Variants in CFAP91 observed in about 807,000 individuals in gnomAD.
CFAP91 encodes the protein cilia and flagella associated protein 91, also known as cilia- and flagella-associated protein 91.
In CFAP91, 85 loss-of-function variants were observed where a neutral mutation model predicts 95.9. The observed-to-expected ratio is 0.89, with a 90% CI of 0.74 to 1.06. The LOEUF (loss-of-function observed/expected upper bound fraction) is 1.06. CFAP91 is among the 50% of genes least tolerant of loss of function. The probability of loss-of-function intolerance (pLI) is 0.00; values close to 1 mark genes in which losing one functional copy is unlikely to be tolerated. For missense variants in CFAP91, 962 were observed against 943.4 expected, an observed-to-expected ratio of 1.02 and a Z score of -0.26; for synonymous variants, 335 against 327.5, an observed-to-expected ratio of 1.02 and a Z score of -0.25.
intron 14 of CFAP91, among the ~76,000 whole-genome samples, chr3:119,746,328 A>G (rs372313333): frequency 6.6e-6 from 1 of 152,160 alleles, no homozygotes; most frequent in African/African-American, 2.4e-5. Flanking sequence ...TTATTTTTCT[A>G]ATCTCTGAGT....
intron 4 of CFAP91, among the ~76,000 whole-genome samples, chr3:119,709,385 A>G (rs1033443636): frequency 6.6e-6 from 1 of 152,222 alleles, no homozygotes; most frequent in Admixed American, 6.5e-5. Context: ...ACTGTTAACT[A>G]TACAATTCTG....
At chr3:119,715,783 G>A (rs1319099385) in intron 6 of CFAP91, 40 bp downstream of exon 6, 1 of 1,573,390 alleles carries the variant, frequency 6.4e-7, no homozygotes, top group South Asian at 1.1e-5. Flanking sequence ...AGATGACGAT[G>A]CTGATAACCA....
intron 17 of CFAP91, among the ~76,000 whole-genome samples, chr3:119,751,500 T>G (rs918174251): frequency 1.3e-5 from 2 of 152,174 alleles, no homozygotes; most frequent in Non-Finnish European, 2.9e-5. Flanking sequence ...CCTGCCCAAT[T>G]CTAGCTCAGA....
rs149259113 is a variant in CFAP91, at chr3:119,724,025, G to A, written c.683-2146G>A. The stretch of plus-strand genomic sequence containing the variant: ...AAATACAAAAAAAAATGAGCCAGGC[G>A]TGGTGGCAGGTGCCTGTAAGTAATC... On this transcript the variant is annotated intron_variant, in intron 6 of 17. Coordinates refer to ENST00000273390, the MANE Select transcript of CFAP91 (RefSeq NM_033364.4). 9.0e-3 allele frequency among the ~76,000 whole-genome samples: 1,363 copies of A among 152,096 alleles called. 20 individuals are homozygous for A. The highest frequency in any genetic ancestry group is 0.031 in the African/African-American group (1,270 of 41,474).
intron 17 of CFAP91, among the ~76,000 whole-genome samples, chr3:119,752,604 T>A (rs909577806): frequency 2.6e-5 from 4 of 152,162 alleles, no homozygotes; most frequent in Non-Finnish European, 5.9e-5. Flanking sequence ...GCCTTAAGGT[T>A]GGGGTAGTCA....
At chr3:119,751,345 T>C (rs2054322031) in intron 17 of CFAP91, among the ~76,000 whole-genome samples, 1 of 152,220 alleles carries the variant, frequency 6.6e-6, no homozygotes, top group African/African-American at 2.4e-5. Context: ...ATTATTTTTA[T>C]GGGTTCTTTT....
intron 6 of CFAP91, among the ~76,000 whole-genome samples, chr3:119,722,663 A>T (rs1243895522): frequency 2.0e-5 from 3 of 151,914 alleles, no homozygotes; most frequent in South Asian, 2.1e-4. Context: ...TAATTAAAAA[A>T]ATATATTTTT....
chr3:119,708,731 A>G, intron 4 of CFAP91, 57 bp downstream of exon 4: 3 of 1,009,484 alleles, frequency 3.0e-6, no homozygotes, highest in Non-Finnish European at 4.5e-6. Context: ...GAACCTCTTT[A>G]TGATAATAAT....
At chr3:119,728,269 C>T (rs1238958927) in intron 7 of CFAP91, among the ~76,000 whole-genome samples, 1 of 152,070 alleles carries the variant, frequency 6.6e-6, no homozygotes, top group Non-Finnish European at 1.5e-5. Context: ...AAGTGTGGTC[C>T]ACAGACCAGC....
In CFAP91 at chr3:119,737,399, G is replaced by A; in HGVS notation, c.1378G>A (p.Val460Ile). ...GGATAAGAAGAATAAAGTTCTTGAA[G>A]TAAAGAAACCCCCTCGCTTCCTTCA... ...LLDKKNKVLE[V>I]KKPPRFLQRN... Residue 460 changes from valine to isoleucine, a missense_variant, in exon 11 of 18, where the codon GTA (valine) becomes ATA (isoleucine). Physicochemically the swap from Val to Ile is conservative, Grantham distance 29. Coordinates refer to ENST00000273390, the MANE Select transcript of CFAP91 (RefSeq NM_033364.4). The A allele has an allele frequency of 8.1e-6, 13 of 1,608,218 alleles. No homozygotes were observed. Among genetic ancestry groups the A allele is most frequent in the South Asian group, 1.1e-5 (1 of 89,796 alleles).
At chr3:119,707,823 C>T (rs1407584778) in intron 3 of CFAP91, among the ~76,000 whole-genome samples, 1 of 151,162 alleles carries the variant, frequency 6.6e-6, no homozygotes, top group Non-Finnish European at 1.5e-5. Context: ...TTGGATCCAA[C>T]TTAGCAACTG....
intron 6 of CFAP91, among the ~76,000 whole-genome samples, chr3:119,723,650 TCTTG>T (rs562165937): frequency 1.3e-5 from 2 of 152,226 alleles, no homozygotes; most frequent in Non-Finnish European, 2.9e-5. Flanking sequence ...CAGTACTGTG[TCTTG>T]CTTCTATAGA....
intron 2 of CFAP91, 96 bp downstream of exon 2, chr3:119,706,981 C>T (rs1433270380): frequency 1.0e-6 from 1 of 966,180 alleles, no homozygotes; most frequent in Non-Finnish European, 1.6e-6. Context: ...CAAATCTTCA[C>T]TGGATTTTAG....
intron 6 of CFAP91, among the ~76,000 whole-genome samples, chr3:119,722,473 T>G (rs1246904080): frequency 6.6e-6 from 1 of 151,614 alleles, no homozygotes; most frequent in African/African-American, 2.4e-5. Flanking sequence ...AAGAAAAAAA[T>G]CTTGAAAAAA....
intron 7 of CFAP91, among the ~76,000 whole-genome samples, chr3:119,729,946 T>C (rs1002733245): frequency 3.9e-5 from 6 of 152,344 alleles, no homozygotes; most frequent in African/African-American, 1.2e-4. Context: ...TAGGCCCACC[T>C]GCCTAGAGAG....
chr3:119,755,918 GAGA>G (rs1364745587), intron 17 of CFAP91, among the ~76,000 whole-genome samples: 3 of 152,198 alleles, frequency 2.0e-5, no homozygotes, highest in Admixed American at 6.5e-5. Context: ...ACAGAAGAGA[GAGA>G]AGGATAGATT....
chr3:119,705,700 G>A (rs2053345702), intron 1 of CFAP91, among the ~76,000 whole-genome samples: 1 of 152,122 alleles, frequency 6.6e-6, no homozygotes, highest in African/African-American at 2.4e-5. Flanking sequence ...ATTCTAATGT[G>A]TAATTTGCTA....
chr3:119,749,709 C>T (rs890453841), intron 16 of CFAP91, among the ~76,000 whole-genome samples: 1 of 152,086 alleles, frequency 6.6e-6, no homozygotes, highest in Admixed American at 6.6e-5. Flanking sequence ...ACAGGGAGCA[C>T]ACTAGGACCT....
chr3:119,738,834 A>G (rs2054062488), intron 11 of CFAP91, among the ~76,000 whole-genome samples: 1 of 152,220 alleles, frequency 6.6e-6, no homozygotes, highest in African/African-American at 2.4e-5. Context: ...CAGCATAGCT[A>G]AATTCTTGTG....
Sources: gnomAD v4.1 joint callset for allele counts (sites outside exome capture counted in the v4.1 genomes callset) on GRCh38, gnomAD v4.1.1 for gene constraint, MANE v1.5 for transcripts, NCBI Gene and HGNC (gene_info 2026-07-23, HGNC 2026-07-21) for gene names.